GLYATL2: variants seen among roughly 807,000 people sequenced by gnomAD.
GLYATL2 encodes the protein glycine N-acyltransferase-like protein 2.
In GLYATL2, 25 loss-of-function variants were observed where a neutral mutation model predicts 21.4. The ratio of observed to expected loss-of-function variants is 1.17; its 90% CI spans 0.85 to 1.63. GLYATL2 has a LOEUF of 1.63. GLYATL2 is among the 40% of genes most tolerant of loss of function. The pLI, the probability that GLYATL2 is intolerant of heterozygous loss-of-function variation, is 0.00. For synonymous variants in GLYATL2, 114 were observed against 118.2 expected (o/e 0.96, Z 0.23); for missense variants, 361 against 343.3 (o/e 1.05, Z -0.41).
intron 1 of GLYATL2, among the ~76,000 whole-genome samples, chr11:58,883,263 AT>A (rs1348651546): frequency 3.9e-5 from 6 of 152,106 alleles, no homozygotes; most frequent in Admixed American, 2.6e-4. Flanking sequence ...CTTCAAAAAA[AT>A]CAATGAATCC....
chr11:58,847,447 T>C (rs1360072409), upstream of GLYATL2, among the ~76,000 whole-genome samples: 1 of 152,188 alleles, frequency 6.6e-6, no homozygotes, highest in East Asian at 1.9e-4. Context: ...GGACCTTCCC[T>C]GGGCCAGAAG....
chr11:58,846,817 T>C (rs1198122901), upstream of GLYATL2, among the ~76,000 whole-genome samples: 1 of 152,046 alleles, frequency 6.6e-6, no homozygotes. Context: ...TCAGAAATTG[T>C]GGACTGGGGG....
intron 1 of GLYATL2, among the ~76,000 whole-genome samples, chr11:58,850,477 A>T (rs1412391008): frequency 6.6e-6 from 1 of 152,114 alleles, no homozygotes; most frequent in Non-Finnish European, 1.5e-5. Context: ...ATTACTCTTT[A>T]TTCCAATATT....
At chr11:58,860,868 G>GT (rs772018345) in intron 1 of GLYATL2, among the ~76,000 whole-genome samples, 21 of 152,048 alleles carry the variant, frequency 1.4e-4, no homozygotes, top group Non-Finnish European at 1.3e-4. Flanking sequence ...ATTGGATTTT[G>GT]TTTTTTATTC....
At chr11:58,869,488 T>C (rs1281178685) in intron 1 of GLYATL2, among the ~76,000 whole-genome samples, 1 of 152,198 alleles carries the variant, frequency 6.6e-6, no homozygotes, top group Non-Finnish European at 1.5e-5. Flanking sequence ...GGTTTACCTA[T>C]CAAGGCTAAC....
chr11:58,877,004 C>G (rs927700329), intron 1 of GLYATL2, among the ~76,000 whole-genome samples: 2 of 152,348 alleles, frequency 1.3e-5, no homozygotes, highest in African/African-American at 4.8e-5. Flanking sequence ...GCCCCTCCCC[C>G]AGCCTTGCTG....
intron 1 of GLYATL2, among the ~76,000 whole-genome samples, chr11:58,890,940 A>T (rs1433554069): frequency 6.6e-6 from 1 of 151,748 alleles, no homozygotes; most frequent in Non-Finnish European, 1.5e-5. Context: ...CCATTTCATT[A>T]TTTATAGCTT....
intron 1 of GLYATL2, among the ~76,000 whole-genome samples, chr11:58,840,015 G>A (rs1349765553): frequency 6.6e-6 from 1 of 152,050 alleles, no homozygotes; most frequent in South Asian, 2.1e-4. Flanking sequence ...TCCCTCTGGA[G>A]AGCCCACCAC....
chr11:58,860,053 T>TATC (rs1296042579), intron 1 of GLYATL2, among the ~76,000 whole-genome samples: 1 of 152,212 alleles, frequency 6.6e-6, no homozygotes, highest in Non-Finnish European at 1.5e-5. Flanking sequence ...GGTAGTGTGA[T>TATC]ATCTGCAGCT....
intron 1 of GLYATL2, among the ~76,000 whole-genome samples, chr11:58,862,083 G>T (rs971515664): frequency 7.9e-5 from 12 of 151,996 alleles, no homozygotes; most frequent in African/African-American, 2.9e-4. Flanking sequence ...ATTTTGTTGG[G>T]AACAGTATTT....
At chr11:58,851,704 C>T (rs1207218082) in intron 1 of GLYATL2, among the ~76,000 whole-genome samples, 36 of 152,300 alleles carry the variant, frequency 2.4e-4, no homozygotes, top group Admixed American at 2.4e-3. Context: ...GTATCTTCCT[C>T]ACTTCTGTAG....
intron 1 of GLYATL2, among the ~76,000 whole-genome samples, chr11:58,870,092 A>G (rs1269511031): frequency 1.3e-5 from 2 of 152,078 alleles, no homozygotes; most frequent in Non-Finnish European, 2.9e-5. Context: ...TGGGTGACAG[A>G]GGGAGACCCT....
At chr11:58,854,539 T>C (rs1183101580) in intron 1 of GLYATL2, among the ~76,000 whole-genome samples, 3 of 152,262 alleles carry the variant, frequency 2.0e-5, no homozygotes, top group Non-Finnish European at 1.5e-5. Context: ...GCAATCTTTT[T>C]TGCTGGTGCA....
At chr11:58,869,005 G>A (rs1388745799) in intron 1 of GLYATL2, among the ~76,000 whole-genome samples, 2 of 129,494 alleles carry the variant, frequency 1.5e-5, no homozygotes, top group Non-Finnish European at 3.5e-5. Flanking sequence ...GTCCAGGCAA[G>A]TGAGTGTCTT....
At chr11:58,905,776 C>G (rs1455938433), upstream of GLYATL2, 1 of 385,734 alleles carries the variant, frequency 2.6e-6, no homozygotes. Context: ...TCCCCTCGGC[C>G]TGGCCGTCTG....
intron 1 of GLYATL2, among the ~76,000 whole-genome samples, chr11:58,866,590 T>G (rs1185004269): frequency 2.0e-5 from 3 of 148,924 alleles, no homozygotes; most frequent in Non-Finnish European, 4.5e-5. Flanking sequence ...TAGGTCCCAG[T>G]GTCCACCTGT....
chr11:58,898,568 C>T (rs759475540), intron 1 of GLYATL2, among the ~76,000 whole-genome samples: 10 of 151,790 alleles, frequency 6.6e-5, no homozygotes, highest in African/African-American at 2.4e-4. Flanking sequence ...GGTGCAGTGA[C>T]TGACGCCTGT....
At chr11:58,841,258 A>C (rs1274270152) in intron 1 of GLYATL2, among the ~76,000 whole-genome samples, 2 of 152,320 alleles carry the variant, frequency 1.3e-5, no homozygotes, top group East Asian at 3.9e-4. Flanking sequence ...AATCAATACA[A>C]AAGGAAGCAC....
At chr11:58,838,237 A>C in intron 3 of GLYATL2, 24 bp downstream of exon 3, 1 of 1,465,934 alleles carries the variant, frequency 6.8e-7, no homozygotes, top group Non-Finnish European at 9.6e-7. Flanking sequence ...GACTACCCTC[A>C]TATTCAGTAA....
Sources: gnomAD v4.1 joint callset for allele counts (sites outside exome capture counted in the v4.1 genomes callset) on GRCh38, gnomAD v4.1.1 for gene constraint, MANE v1.5 for transcripts, NCBI Gene and HGNC (gene_info 2026-07-23, HGNC 2026-07-21) for gene names.